CIB4: variants seen among roughly 807,000 people sequenced by gnomAD.
CIB4 encodes the protein calcium and integrin-binding family member 4.
A neutral mutation model predicts 25.8 loss-of-function variants in CIB4; 25 were observed. That is an observed-to-expected ratio of 0.97 (90% CI 0.71 to 1.35). The LOEUF is 1.35. Ranked by LOEUF, CIB4 falls within the 40% of genes most tolerant of loss-of-function variation. The probability of loss-of-function intolerance (pLI) is 0.00; values close to 1 mark genes in which losing one functional copy is unlikely to be tolerated. For missense variants in CIB4, 235 were observed against 228.2 expected, an observed-to-expected ratio of 1.03 and a Z score of -0.19; for synonymous variants, 75 against 81.4, an observed-to-expected ratio of 0.92 and a Z score of 0.42.
At chr2:26,612,486 G>A (rs759807786) in intron 3 of CIB4, among the ~76,000 whole-genome samples, 31 of 152,198 alleles carry the variant, frequency 2.0e-4, no homozygotes, top group African/African-American at 6.8e-4. Flanking sequence ...CTTTCTGGGC[G>A]TGAAAGCCTG....
chr2:26,593,297 T>G (rs1260815239), intron 4 of CIB4, among the ~76,000 whole-genome samples: 1 of 151,816 alleles, frequency 6.6e-6, no homozygotes, highest in Non-Finnish European at 1.5e-5. Context: ...TAGATATATA[T>G]GTAGAGATAT....
At chr2:26,611,984 A>G (rs1177022226) in intron 3 of CIB4, among the ~76,000 whole-genome samples, 1 of 152,242 alleles carries the variant, frequency 6.6e-6, no homozygotes, top group East Asian at 1.9e-4. Flanking sequence ...ATGCTAAGGA[A>G]TTGATTTCTT....
chr2:26,616,687 T>A (rs1669098659), intron 3 of CIB4, among the ~76,000 whole-genome samples: 1 of 152,074 alleles, frequency 6.6e-6, no homozygotes, highest in Admixed American at 6.5e-5. Flanking sequence ...AGCTATTCCA[T>A]CTCAGCCATC....
intron 4 of CIB4, among the ~76,000 whole-genome samples, chr2:26,593,445 C>CACTATATATACA (rs1558557466): frequency 6.6e-6 from 1 of 152,120 alleles, no homozygotes; most frequent in Non-Finnish European, 1.5e-5. Flanking sequence ...CTATATATAC[C>CACTATATATACA]CACACATACA....
At position 26,589,044 on chromosome 2, in the gene CIB4, CT is replaced by C. The variant is rs1668518949; in HGVS notation, c.329-5147del. On this transcript the variant is annotated intron_variant, in intron 4 of 6. Transcript: ENST00000288861. ...TCTTCTTCTTCTTCTTCTTCTTCTT[CT>C]TCTTCTTCTTCTTCCTCTTCCTCTT... 7.9e-5 allele frequency among the ~76,000 whole-genome samples: 4 copies of C among 50,576 alleles called. 1 individual carries two copies. Among genetic ancestry groups the C allele is most frequent in the Non-Finnish European group, 1.2e-4 (3 of 25,716 alleles). 33.2% of individuals were successfully genotyped at this position (50,576 alleles called of 152,430 possible).
intron 3 of CIB4, among the ~76,000 whole-genome samples, chr2:26,602,603 A>G (rs1668813331): frequency 6.6e-6 from 1 of 152,232 alleles, no homozygotes; most frequent in Non-Finnish European, 1.5e-5. Context: ...ATTGATGTGT[A>G]GTATACATGG....
intron 4 of CIB4, 53 bp downstream of exon 4, chr2:26,595,123 A>C: frequency 6.5e-7 from 1 of 1,545,570 alleles, no homozygotes; most frequent in Non-Finnish European, 8.9e-7. Flanking sequence ...CAGATACGGT[A>C]TGTTCTCTAT....
At chr2:26,592,387 G>C (rs1041858638) in intron 4 of CIB4, among the ~76,000 whole-genome samples, 5 of 152,240 alleles carry the variant, frequency 3.3e-5, no homozygotes, top group Non-Finnish European at 7.3e-5. Context: ...TGGTAAGGAA[G>C]GGGGAACGCT....
At chr2:26,630,149 A>G (rs1669389608) in intron 2 of CIB4, among the ~76,000 whole-genome samples, 1 of 152,228 alleles carries the variant, frequency 6.6e-6, no homozygotes, top group East Asian at 1.9e-4. Flanking sequence ...GATTTTGCTT[A>G]TAAGCTACAG....
chr2:26,629,537 C>G (rs376113098), intron 2 of CIB4, 31 bp from the exon 3 acceptor site: 1 of 1,466,742 alleles, frequency 6.8e-7, no homozygotes, highest in East Asian at 2.4e-5. Context: ...ACCGTGTGGC[C>G]GGGGAAAGGA....
rs1272517531 is a variant in CIB4, at chr2:26,612,917, AC to A, written c.186+16492del. 3.4e-5 allele frequency among the ~76,000 whole-genome samples: 5 copies of A among 149,176 alleles called. No homozygotes were observed. In the Middle Eastern group the frequency reaches 0.01, roughly 307 times the overall value. On this transcript the variant is annotated intron_variant, in intron 3 of 6. Coordinates refer to ENST00000288861, the MANE Select transcript of CIB4 (RefSeq NM_001029881.3). ...ATCTCCCATCTCTGGGTTTTCTGCC[AC>A]CTGAGAAGTGACGTCTTGGTCACTG...
chr2:26,610,947 G>A (rs1668985582), intron 3 of CIB4, among the ~76,000 whole-genome samples: 1 of 92,294 alleles, frequency 1.1e-5, no homozygotes, highest in Non-Finnish European at 2.2e-5. Flanking sequence ...GCATTGCAAT[G>A]GAAAAAATAC....
intron 2 of CIB4, among the ~76,000 whole-genome samples, chr2:26,629,995 C>T (rs1572571557): frequency 2.0e-5 from 3 of 152,256 alleles, no homozygotes; most frequent in African/African-American, 7.2e-5. Context: ...GATTAGAGCC[C>T]GGCTGCCTGC....
chr2:26,599,901 T>C (rs112857269), intron 3 of CIB4, among the ~76,000 whole-genome samples: 12,392 of 138,190 alleles, frequency 0.09, 855 homozygotes, highest in African/African-American at 0.15. Context: ...GGTGAAATCC[T>C]GTCTCTACTA....
chr2:26,590,536 T>G (rs1285022231), intron 4 of CIB4, among the ~76,000 whole-genome samples: 1 of 152,066 alleles, frequency 6.6e-6, no homozygotes, highest in Admixed American at 6.5e-5. Flanking sequence ...ACCATGACAG[T>G]TACCATGCCC....
At chr2:26,620,237 C>CA (rs1270497976) in intron 3 of CIB4, among the ~76,000 whole-genome samples, 2 of 152,178 alleles carry the variant, frequency 1.3e-5, no homozygotes, top group African/African-American at 4.8e-5. Flanking sequence ...GGGAAGGTGA[C>CA]ACCACCCTGA....
intron 2 of CIB4, among the ~76,000 whole-genome samples, chr2:26,637,312 C>T (rs987161485): frequency 6.6e-6 from 1 of 152,166 alleles, no homozygotes; most frequent in African/African-American, 2.4e-5. Context: ...ATTCTTTCAA[C>T]TTTCTATTCA....
chr2:26,598,068 G>A (rs1160341672), intron 3 of CIB4, among the ~76,000 whole-genome samples: 1 of 152,100 alleles, frequency 6.6e-6, no homozygotes, highest in Non-Finnish European at 1.5e-5. Flanking sequence ...GGCAGGCCGA[G>A]ACTGACGGAA....
Position 26,631,418 on chromosome 2 carries a change from G to A in CIB4, c.90-1912C>T, listed in dbSNP as rs146652485. On this transcript the variant is annotated intron_variant, in intron 2 of 6. Coordinates refer to ENST00000288861, the MANE Select transcript of CIB4 (RefSeq NM_001029881.3). ...GATCCCAGGAGGTTGAGGCTGCAGC[G>A]AGCTGTGATCGCACTACTGCACTCC... is the stretch of plus-strand genomic sequence containing the variant. 2.1e-4 allele frequency among the ~76,000 whole-genome samples: 32 copies of A among 152,258 alleles called. 1 individual carries two copies. In the East Asian group the frequency reaches 5.6e-3, roughly 27 times the overall value.
Sources: gnomAD v4.1 joint callset for allele counts (sites outside exome capture counted in the v4.1 genomes callset) on GRCh38, gnomAD v4.1.1 for gene constraint, MANE v1.5 for transcripts, NCBI Gene and HGNC (gene_info 2026-07-23, HGNC 2026-07-21) for gene names.